FAF1: variants seen among roughly 807,000 people sequenced by gnomAD.
The protein encoded by FAF1 is Fas associated factor 1, also known as FAS-associated factor 1.
A neutral mutation model predicts 92.5 loss-of-function variants in FAF1; 25 were observed. The observed-to-expected ratio is 0.27, with a 90% confidence interval of 0.20 to 0.38. FAF1 has a LOEUF of 0.38. Ranked by LOEUF, FAF1 falls within the 10% of genes least tolerant of loss-of-function variation. The pLI is 1.00. For synonymous variants in FAF1, 234 were observed against 273.2 expected (o/e 0.86, Z 1.42); for missense variants, 636 against 793.3 (o/e 0.80, Z 2.38).
At chr1:50,681,582 A>C (rs1001015340) in intron 7 of FAF1, among the ~76,000 whole-genome samples, 6 of 151,910 alleles carry the variant, frequency 3.9e-5, no homozygotes, top group African/African-American at 1.4e-4. Flanking sequence ...ATCTCGTCTC[A>C]CTGAAACCTC....
At chr1:50,533,918 T>C (rs1648322423) in intron 15 of FAF1, among the ~76,000 whole-genome samples, 1 of 152,206 alleles carries the variant, frequency 6.6e-6, no homozygotes, top group African/African-American at 2.4e-5. Context: ...ACCAGCTATA[T>C]GGCCTTGGGC....
chr1:50,737,676 C>CTATT (rs1659197497), intron 6 of FAF1, among the ~76,000 whole-genome samples: 1 of 152,138 alleles, frequency 6.6e-6, no homozygotes, highest in South Asian at 2.1e-4. Flanking sequence ...CCAAAACCAA[C>CTATT]TATTAACAGA....
intron 15 of FAF1, among the ~76,000 whole-genome samples, chr1:50,495,954 T>C (rs185135702): frequency 3.3e-5 from 5 of 152,262 alleles, no homozygotes; most frequent in Middle Eastern, 3.4e-3. Context: ...ACAATAGCCA[T>C]TGAATTTTAT....
chr1:50,782,262 A>G (rs1489708303), intron 4 of FAF1, among the ~76,000 whole-genome samples: 1 of 152,106 alleles, frequency 6.6e-6, no homozygotes, highest in Non-Finnish European at 1.5e-5. Context: ...CCCATAGCAG[A>G]TGACACCTCT....
At chr1:50,569,693 TG>T (rs1364421576) in intron 12 of FAF1, among the ~76,000 whole-genome samples, 7 of 152,186 alleles carry the variant, frequency 4.6e-5, no homozygotes, top group African/African-American at 1.2e-4. Flanking sequence ...ATCTTTAAAA[TG>T]CCTATTTCTC....
intron 6 of FAF1, among the ~76,000 whole-genome samples, chr1:50,725,908 T>C (rs1193861927): frequency 6.6e-6 from 1 of 152,196 alleles, no homozygotes; most frequent in Non-Finnish European, 1.5e-5. Context: ...AAGACAGTGA[T>C]ATGCTTGACT....
chr1:50,679,150 A>G (rs776104585), intron 7 of FAF1, among the ~76,000 whole-genome samples: 44 of 152,220 alleles, frequency 2.9e-4, no homozygotes, highest in African/African-American at 9.9e-4. Flanking sequence ...GACAATTAAC[A>G]CACAGTACAT....
chr1:50,562,091 AG>A lies in FAF1; in HGVS notation c.1268+4985del, dbSNP rs756060651. ...AGGATGGGGAGAGGCAAGACTTCCC[AG>A]AAGTGATACCTGTCCTGAATTTTAA... is the stretch of plus-strand genomic sequence containing the variant. On this transcript the variant is annotated intron_variant, in intron 13 of 18. Transcript: ENST00000396153. Among the ~76,000 whole-genome samples the A allele has an allele frequency of 5.5e-4, 84 of 152,336 alleles. 2 individuals carry two copies. The highest frequency in any genetic ancestry group is 1.2e-3 in the Admixed American group (19 of 15,304).
intron 12 of FAF1, among the ~76,000 whole-genome samples, chr1:50,569,189 C>T (rs975008756): frequency 6.6e-6 from 1 of 152,108 alleles, no homozygotes; most frequent in Non-Finnish European, 1.5e-5. Context: ...TCTATGAAAC[C>T]TTCCGTGATT....
chr1:50,556,542 A>G (rs1649591491), intron 13 of FAF1, among the ~76,000 whole-genome samples: 1 of 152,164 alleles, frequency 6.6e-6, no homozygotes, highest in Non-Finnish European at 1.5e-5. Flanking sequence ...ATTGAAATTT[A>G]AAAAGAAAAT....
At chr1:50,680,637 T>A (rs1012402048) in intron 7 of FAF1, among the ~76,000 whole-genome samples, 1 of 151,802 alleles carries the variant, frequency 6.6e-6, no homozygotes, top group South Asian at 2.1e-4. Context: ...GAGCTGAGAT[T>A]GTGCCATTGC....
intron 8 of FAF1, among the ~76,000 whole-genome samples, chr1:50,601,657 G>C (rs1455123293): frequency 6.6e-6 from 1 of 151,886 alleles, no homozygotes; most frequent in African/African-American, 2.4e-5. Flanking sequence ...ACTCCAGCCT[G>C]GGTGAGACTC....
At chr1:50,733,908 T>C (rs971521259) in intron 6 of FAF1, among the ~76,000 whole-genome samples, 3 of 152,228 alleles carry the variant, frequency 2.0e-5, no homozygotes, top group African/African-American at 7.2e-5. Context: ...GCAATTCTCC[T>C]GCCTCAGCCT....
At chr1:50,470,227 T>C (rs770157801) in intron 18 of FAF1, among the ~76,000 whole-genome samples, 20 of 152,348 alleles carry the variant, frequency 1.3e-4, no homozygotes, top group Non-Finnish European at 2.6e-4. Flanking sequence ...GTCTCTAATG[T>C]TGATTTTTCT....
intron 15 of FAF1, among the ~76,000 whole-genome samples, chr1:50,521,515 G>C (rs2149029987): frequency 6.6e-6 from 1 of 152,192 alleles, no homozygotes; most frequent in East Asian, 1.9e-4. Flanking sequence ...GCTTTAGAAG[G>C]TTTCAATTTT....
chr1:50,789,819 ATCT>A, intron 3 of FAF1, among the ~76,000 whole-genome samples: 1 of 152,108 alleles, frequency 6.6e-6, no homozygotes, highest in East Asian at 1.9e-4. Context: ...CTAGCTTTCC[ATCT>A]TCTTGTGCTA....
intron 8 of FAF1, among the ~76,000 whole-genome samples, chr1:50,605,598 C>G (rs931174819): frequency 3.3e-5 from 5 of 151,890 alleles, no homozygotes; most frequent in Non-Finnish European, 5.9e-5. Flanking sequence ...CAATAATCCA[C>G]ACTGTGAATT....
rs527472194 is a variant in FAF1, at chr1:50,862,387, G to A, written c.46-4390C>T. 3.3e-5 allele frequency among the ~76,000 whole-genome samples: 5 copies of A among 151,978 alleles called. No homozygotes were observed. The East Asian group carries it at 5.8e-4, about 18-fold the overall frequency. The stretch of plus-strand genomic sequence containing the variant: ...GAATAAAGTGTCAAAAATAGAGAAC[G>A]CTGGATAGAGAGCAAAATGATGGTA... On this transcript the variant is annotated intron_variant, in intron 1 of 18. Transcript: ENST00000396153.
chr1:50,944,038 C>G (rs1056977516), intron 1 of FAF1, among the ~76,000 whole-genome samples: 1 of 152,200 alleles, frequency 6.6e-6, no homozygotes, highest in Admixed American at 6.5e-5. Flanking sequence ...GGCAGTCAGT[C>G]CAATCTGTCC....
Sources: allele counts gnomAD v4.1 joint callset (sites outside exome capture counted in the v4.1 genomes callset), GRCh38; gene constraint gnomAD v4.1.1; transcripts MANE v1.5; gene names NCBI Gene and HGNC (gene_info 2026-07-23, HGNC 2026-07-21).